The following CGNL1 variants were observed in gnomAD, a reference collection of about 807,000 sequenced individuals.
CGNL1 encodes cingulin like 1, also known as cingulin-like protein 1.
A neutral mutation model predicts 141.2 loss-of-function variants in CGNL1; 132 were observed. The ratio of observed to expected loss-of-function variants is 0.93; its 90% confidence interval spans 0.81 to 1.08. CGNL1 has a LOEUF of 1.08. CGNL1 is among the 50% of genes least tolerant of loss of function. The pLI, the probability that CGNL1 is intolerant of heterozygous loss-of-function variation, is 0.00. For synonymous variants in CGNL1, 690 were observed against 622.1 expected (o/e 1.11, Z -1.63); for missense variants, 1,870 against 1,588.6 (o/e 1.18, Z -3.01).
rs1157947434 is a variant in CGNL1, at chr15:57,448,517, G to A, written c.1804-2983G>A. On this transcript the variant is annotated intron_variant, in intron 4 of 18. Transcript: ENST00000281282. ...TACAAAATTAACCAGGTGTGATGGT[G>A]CGCACCTGTAACCCCAGCTATTTGG... Among the ~76,000 whole-genome samples the A allele has an allele frequency of 2.6e-5, 4 of 151,894 alleles. 1 individual carries two copies. The South Asian group carries it at 6.2e-4, about 24-fold the overall frequency.
At chr15:57,531,001 C>G (rs1946639736) in intron 13 of CGNL1, among the ~76,000 whole-genome samples, 1 of 152,164 alleles carries the variant, frequency 6.6e-6, no homozygotes, top group African/African-American at 2.4e-5. Context: ...GCTGACAACC[C>G]CCAGTTGTAA....
chr15:57,458,216 A>G (rs2063402938), intron 7 of CGNL1, among the ~76,000 whole-genome samples: 1 of 152,008 alleles, frequency 6.6e-6, no homozygotes, highest in Non-Finnish European at 1.5e-5. Flanking sequence ...GTTTTCTTTA[A>G]CTGGATTCCA....
At chr15:57,451,371 GA>G (rs1171059371) in intron 4 of CGNL1, 128 bp from the exon 5 acceptor site, 1 of 645,110 alleles carries the variant, frequency 1.6e-6, no homozygotes, top group Non-Finnish European at 2.6e-6. Flanking sequence ...GTTGATGTTT[GA>G]ATTGGGTCTT....
At chr15:57,480,325 C>T (rs2152360176) in intron 8 of CGNL1, among the ~76,000 whole-genome samples, 1 of 133,340 alleles carries the variant, frequency 7.5e-6, no homozygotes, top group East Asian at 2.6e-4. Context: ...TGAGACCCGC[C>T]TGGCCAACAT....
At chr15:57,453,844 A>G (rs192063836) in intron 7 of CGNL1, 26 bp downstream of exon 7, 35 of 1,611,252 alleles carry the variant, frequency 2.2e-5, no homozygotes, top group Middle Eastern at 3.9e-4. Context: ...GGGTCAGGTG[A>G]TAAGACAGGC....
At chr15:57,458,763 AG>A (rs2063410348) in intron 7 of CGNL1, among the ~76,000 whole-genome samples, 1 of 152,204 alleles carries the variant, frequency 6.6e-6, no homozygotes, top group Non-Finnish European at 1.5e-5. Context: ...CAGCGGCAGC[AG>A]GGCGTCCTCT....
chr15:57,453,436 C>T (rs1416868686), intron 6 of CGNL1, among the ~76,000 whole-genome samples: 5 of 152,148 alleles, frequency 3.3e-5, no homozygotes, highest in East Asian at 1.9e-4. Flanking sequence ...AAAATGTCTC[C>T]GTATAACCAT....
intron 17 of CGNL1, 116 bp from the exon 18 acceptor site, chr15:57,545,960 C>A: frequency 8.7e-7 from 1 of 1,153,898 alleles, no homozygotes; most frequent in Non-Finnish European, 1.2e-6. Context: ...AAGAGACTGG[C>A]TGCCCCATTG....
intron 1 of CGNL1, among the ~76,000 whole-genome samples, chr15:57,382,850 A>G (rs1401721750): frequency 2.0e-5 from 3 of 152,178 alleles, no homozygotes; most frequent in Non-Finnish European, 4.4e-5. Context: ...GGGTATTCCA[A>G]CTAGGACTGT....
intron 8 of CGNL1, among the ~76,000 whole-genome samples, chr15:57,504,242 A>G (rs1266783961): frequency 6.6e-6 from 1 of 152,202 alleles, no homozygotes; most frequent in South Asian, 2.1e-4. Context: ...ACCACCCTGT[A>G]TGTCAGGTAC....
intron 1 of CGNL1, among the ~76,000 whole-genome samples, chr15:57,400,146 A>C (rs1277052665): frequency 6.6e-6 from 1 of 152,000 alleles, no homozygotes; most frequent in Admixed American, 6.6e-5. Context: ...GATGTGCACC[A>C]TCATGCCTAG....
chr15:57,516,502 T>G (rs2030809895), intron 8 of CGNL1, among the ~76,000 whole-genome samples: 1 of 152,164 alleles, frequency 6.6e-6, no homozygotes, highest in Non-Finnish European at 1.5e-5. Flanking sequence ...GCTTTGGGGT[T>G]TCTGTTGCAA....
At chr15:57,450,784 T>C (rs1488279404) in intron 4 of CGNL1, among the ~76,000 whole-genome samples, 1 of 152,216 alleles carries the variant, frequency 6.6e-6, no homozygotes, top group Non-Finnish European at 1.5e-5. Context: ...CTAGCTTTCA[T>C]AGTTTTTGCT....
chr15:57,450,667 AC>A (rs1444982133), intron 4 of CGNL1, among the ~76,000 whole-genome samples: 1 of 152,210 alleles, frequency 6.6e-6, no homozygotes, highest in African/African-American at 2.4e-5. Flanking sequence ...GTCATGGAGA[AC>A]CCAGGGTGAA....
At chr15:57,390,364 C>T (rs2062529102) in intron 1 of CGNL1, among the ~76,000 whole-genome samples, 1 of 152,242 alleles carries the variant, frequency 6.6e-6, no homozygotes, top group Non-Finnish European at 1.5e-5. Flanking sequence ...ATGCTGGAAG[C>T]CTCTTAAAGC....
chr15:57,449,776 T>G (rs2063299722), intron 4 of CGNL1, among the ~76,000 whole-genome samples: 1 of 152,236 alleles, frequency 6.6e-6, no homozygotes, highest in African/African-American at 2.4e-5. Context: ...TTCCAAGGTT[T>G]TATTTTTTCT....
At chr15:57,424,989 G>T (rs570297258) in intron 1 of CGNL1, among the ~76,000 whole-genome samples, 1 of 152,094 alleles carries the variant, frequency 6.6e-6, no homozygotes, top group African/African-American at 2.4e-5. Context: ...GGTAATATAA[G>T]AACTATAATC....
intron 8 of CGNL1, among the ~76,000 whole-genome samples, chr15:57,514,302 C>T (rs1359303705): frequency 6.6e-6 from 1 of 152,032 alleles, no homozygotes; most frequent in Non-Finnish European, 1.5e-5. Context: ...CAGGTGTGCA[C>T]CACCACACCT....
intron 17 of CGNL1, 28 bp downstream of exon 17, chr15:57,545,728 T>A: frequency 6.4e-7 from 1 of 1,560,334 alleles, no homozygotes; most frequent in Non-Finnish European, 8.8e-7. Flanking sequence ...GCATTTGCTC[T>A]TAGATGAGAT....
Sources: allele counts gnomAD v4.1 joint callset (sites outside exome capture counted in the v4.1 genomes callset), GRCh38; gene constraint gnomAD v4.1.1; transcripts MANE v1.5; gene names NCBI Gene and HGNC (gene_info 2026-07-23, HGNC 2026-07-21).